SF1: variants seen among roughly 807,000 people sequenced by gnomAD.
SF1 encodes the protein branch point-binding protein.
Under a neutral mutation model 62.5 loss-of-function variants are expected in SF1, and 7 were observed. The observed-to-expected ratio is 0.11, with a 90% CI of 0.06 to 0.21. The LOEUF (loss-of-function observed/expected upper bound fraction) is 0.21, where lower values mean the gene tolerates loss of function less well. Among genes scored for constraint, SF1 ranks in the 10% least tolerant of loss-of-function variants. SF1 has a pLI of 1.00. For missense variants in SF1, 578 were observed against 884.0 expected (o/e 0.65, Z 4.39); for synonymous variants, 394 against 323.6 (o/e 1.22, Z -2.33).
chr11:64,767,988 G>T, intron 9 of SF1, 118 bp downstream of exon 9: 1 of 1,434,354 alleles, frequency 7.0e-7, no homozygotes, highest in African/African-American at 1.4e-5. Context: ...GATCCCGGAA[G>T]AACAATGTTG....
At chr11:64,767,122 G>T in intron 11 of SF1, 43 bp from the exon 12 acceptor site, 1 of 1,611,180 alleles carries the variant, frequency 6.2e-7, no homozygotes, top group Non-Finnish European at 8.5e-7. Context: ...AGGGAAAGGC[G>T]GGGACTTGGG....
chr11:64,767,941 G>A, intron 9 of SF1, 97 bp from the exon 10 acceptor site: 1 of 1,510,364 alleles, frequency 6.6e-7, no homozygotes, highest in South Asian at 1.2e-5. Context: ...ACAAGAACAA[G>A]GTCTTCCCGA....
chr11:64,768,877 C>T (rs1937813573), intron 8 of SF1, 145 bp downstream of exon 8: 1 of 694,312 alleles, frequency 1.4e-6, no homozygotes, highest in Non-Finnish European at 2.6e-6. Context: ...TTCTAATCAT[C>T]CTGGGCTTTA....
chr11:64,765,809 AAAAC>A lies in SF1; in HGVS notation c.*5_*8del. On this transcript the variant is annotated 3_prime_UTR_variant, in exon 13 of 13. Transcript: ENST00000377390. ...CTATATATAATATATATTTTCTTAA[AAAAC>A]AAGTCTAGTTCTGTGGTGGAGGCGG... 7 of 1,530,780 alleles carry A rather than the reference AAAAC, an allele frequency of 4.6e-6. No individual in the cohort carries two copies. The highest frequency in any genetic ancestry group is 6.1e-6 in the Non-Finnish European group (7 of 1,141,264). The allele number at this position is 1,530,780 out of a possible 1,614,324, so 94.8% of individuals were successfully genotyped here.
intron 12 of SF1, 35 bp from the exon 13 acceptor site, chr11:64,766,190 G>A (rs1441408583): frequency 1.9e-6 from 3 of 1,579,758 alleles, no homozygotes; most frequent in Admixed American, 1.7e-5. Context: ...TCACACGCGC[G>A]GGGGCACACC....
intron 12 of SF1, chr11:64,766,567 G>C (rs1036252361): frequency 2.4e-6 from 1 of 418,912 alleles, no homozygotes; most frequent in African/African-American, 2.1e-5. Context: ...GAGCAAGCAT[G>C]CACCATCCCA....
At chr11:64,769,922 C>A (rs779150680) in intron 5 of SF1, 42 bp downstream of exon 5, 1 of 1,439,996 alleles carries the variant, frequency 6.9e-7, no homozygotes, top group East Asian at 2.3e-5. Context: ...ATCTCACAGG[C>A]TCTAAAGGAA....
intron 1 of SF1, chr11:64,777,868 C>T: frequency 5.3e-6 from 5 of 936,236 alleles, no homozygotes; most frequent in Non-Finnish European, 6.4e-6. Context: ...CCGCCCGGGC[C>T]TCCCCGTGCG....
At chr11:64,777,625 G>C (rs1342027413) in intron 1 of SF1, 1 of 985,440 alleles carries the variant, frequency 1.0e-6, no homozygotes, top group African/African-American at 1.7e-5. Context: ...TTCACGCCCT[G>C]CTGGCATTCA....
chr11:64,777,058 C>A (rs1028245709), intron 1 of SF1, among the ~76,000 whole-genome samples: 1 of 152,192 alleles, frequency 6.6e-6, no homozygotes, highest in African/African-American at 2.4e-5. Context: ...CCTCACCAGT[C>A]ACTTTTGTAC....
Position 64,767,267 on chromosome 11 carries a change from G to C in SF1, c.1343-16C>G. 1 of 1,613,536 alleles carries C rather than the reference G, an allele frequency of 6.2e-7. No individual in the cohort carries two copies. The highest frequency in any genetic ancestry group is 1.3e-5 in the African/African-American group (1 of 75,026). On this transcript the variant is annotated splice_polypyrimidine_tract_variant and intron_variant, in intron 10 of 12. Coordinates refer to ENST00000377390, the MANE Select transcript of SF1 (RefSeq NM_004630.4). ...AGGTACTGATCTTGATGGAAGGAAAGAGCAGGGACTTAGCAGGACATTGGA... is the reference window on the plus strand; with the variant it reads ...AGGTACTGATCTTGATGGAAGGAAACAGCAGGGACTTAGCAGGACATTGGA...
chr11:64,772,638 T>C lies in SF1; in HGVS notation c.236+792A>G, dbSNP rs555680305. On this transcript the variant is annotated intron_variant, in intron 3 of 12. Coordinates refer to ENST00000377390, the MANE Select transcript of SF1 (RefSeq NM_004630.4). ...GAAAATTCAGTGAGAGGGAGAGACT[T>C]ACTGCCCTTCTAATTAAATGACCAA... The C allele has an allele frequency of 8.1e-6, 8 of 985,314 alleles. No homozygotes were observed. In the African/African-American group the frequency reaches 1.4e-4, roughly 17 times the overall value. The allele number at this position is 985,314 out of a possible 1,614,324, so 61.0% of individuals were successfully genotyped here.
rs1324834689 is a variant in SF1 at position 64,765,905 on chromosome 11, G to C, written c.1833C>G (p.Asn611Lys). The C allele has an allele frequency of 1.3e-6, 2 of 1,565,118 alleles. No homozygotes were observed. The highest frequency in any genetic ancestry group is 1.9e-5 in the Admixed American group (1 of 52,642). Reference protein sequence around the residue: ...PPPPPPMDPSNFVTMMGMGVA... With the variant: ...PPPPPPMDPSKFVTMMGMGVA... ...CCCCCATGCCCATCATGGTGACAAA[G>C]TTAGAAGGGTCCATGGGAGGCGGAG... Residue 611 changes from asparagine to lysine, a missense_variant, in exon 13 of 13, where the codon AAC becomes AAG. By Grantham distance (94) the Asn-to-Lys change is moderately conservative (BLOSUM62 0). Transcript: ENST00000377390.
intron 3 of SF1, chr11:64,771,945 T>C: frequency 1.0e-6 from 1 of 985,482 alleles, no homozygotes. Context: ...TCTGGTTTTA[T>C]TTCTAACATG....
chr11:64,777,433 C>T lies in SF1; in HGVS notation c.32-807G>A, dbSNP rs1565588029. On this transcript the variant is annotated intron_variant, in intron 1 of 12. Transcript: ENST00000377390. ...GAACAGATTTAAAAAAAAAAACAAA[C>T]TAAAATTCTCTCCCCAAAAGAGACC... 3 of 881,586 alleles carry T rather than the reference C, an allele frequency of 3.4e-6. No homozygotes were observed. In the East Asian group the frequency reaches 3.6e-4, roughly 106 times the overall value. 54.6% of individuals were successfully genotyped at this position (881,586 alleles called of 1,614,324 possible).
chr11:64,778,135 A>G, intron 1 of SF1: 1 of 751,588 alleles, frequency 1.3e-6, no homozygotes, highest in Non-Finnish European at 1.7e-6. Context: ...GTGGCGGTGG[A>G]GGCGGCGGCG....
chr11:64,778,055 G>A (rs1939660846), intron 1 of SF1: 4 of 1,007,954 alleles, frequency 4.0e-6, no homozygotes, highest in South Asian at 9.0e-5. Context: ...CGGCTGCGGC[G>A]GCGACACGCG....
At position 64,765,528 on chromosome 11, in the gene SF1, C is replaced by CG. The variant is rs775075287; in HGVS notation, c.*289dup. On this transcript the variant is annotated 3_prime_UTR_variant, in exon 13 of 13. Transcript: ENST00000377390. ...GCCGCGGGGAGGGATCCTGGCGGCC[C>CG]GGTTTGGGGAGAGGCAAAGGGAGTT... The CG allele has an allele frequency of 1.9e-5, 30 of 1,603,838 alleles. No homozygotes were observed. Among genetic ancestry groups the CG allele is most frequent in the Non-Finnish European group, 1.7e-6 (2 of 1,176,258 alleles).
chr11:64,775,712 G>A (rs181377935), intron 2 of SF1, among the ~76,000 whole-genome samples: 6 of 152,242 alleles, frequency 3.9e-5, no homozygotes, highest in South Asian at 2.1e-4. Flanking sequence ...AGCTGCACAG[G>A]TATATAAAGA....
Sources: gnomAD v4.1 joint callset for allele counts (sites outside exome capture counted in the v4.1 genomes callset) on GRCh38, gnomAD v4.1.1 for gene constraint, MANE v1.5 for transcripts, NCBI Gene and HGNC (gene_info 2026-07-23, HGNC 2026-07-21) for gene names.